Variants in STPG2 observed in about 807,000 individuals in gnomAD.
STPG2 encodes sperm tail PG-rich repeat containing 2.
In STPG2, 56 loss-of-function variants were observed where a neutral mutation model predicts 54.2. The observed-to-expected ratio is 1.03, with a 90% confidence interval of 0.83 to 1.29. The LOEUF (loss-of-function observed/expected upper bound fraction) is 1.29, where lower values mean the gene tolerates loss of function less well. STPG2 is among the 50% of genes most tolerant of loss of function. The pLI, the probability that STPG2 is intolerant of heterozygous loss-of-function variation, is 0.00. For synonymous variants in STPG2, 200 were observed against 181.8 expected, an observed-to-expected ratio of 1.10 and a Z score of -0.81; for missense variants, 596 against 544.9, an observed-to-expected ratio of 1.09 and a Z score of -0.93.
At chr4:97,547,873 G>C (rs115306722) in intron 4 of STPG2, among the ~76,000 whole-genome samples, 1 of 152,110 alleles carries the variant, frequency 6.6e-6, no homozygotes. Context: ...AACATGAGCC[G>C]GGCATGGTCG....
At chr4:97,526,463 T>G (rs1229007540) in intron 4 of STPG2, among the ~76,000 whole-genome samples, 1 of 151,992 alleles carries the variant, frequency 6.6e-6, no homozygotes, top group African/African-American at 2.4e-5. Context: ...GTTTTGTTTC[T>G]TTTTGTTTGT....
intron 9 of STPG2, among the ~76,000 whole-genome samples, chr4:97,731,844 C>G (rs969905477): frequency 6.6e-6 from 1 of 152,208 alleles, no homozygotes; most frequent in Admixed American, 6.5e-5. Flanking sequence ...GTGCACGAAC[C>G]TGGGGGTTTG....
At chr4:97,752,867 C>T (rs1459961563) in intron 9 of STPG2, among the ~76,000 whole-genome samples, 1 of 151,812 alleles carries the variant, frequency 6.6e-6, no homozygotes, top group Non-Finnish European at 1.5e-5. Context: ...TCACTCTAAA[C>T]TCTTAGTTCT....
rs1491121220 is a variant in STPG2, at chr4:97,686,249, T to TC, written c.1320+26449_1320+26450insG. ...TTTCCTTTTTCTTTTTCTTTTCCTC[T>TC]TTCTCTCTCTCTCTCTCTCTCTGTC... is the stretch of plus-strand genomic sequence containing the variant. On this transcript the variant is annotated intron_variant, in intron 10 of 10. Coordinates refer to ENST00000295268, the MANE Select transcript of STPG2 (RefSeq NM_174952.3). Among the ~76,000 whole-genome samples, 7 of 120,522 alleles carry TC rather than the reference T, an allele frequency of 5.8e-5. No individual in the cohort carries two copies. In the East Asian group the frequency reaches 6.9e-4, roughly 12 times the overall value. The allele number at this position is 120,522 out of a possible 152,430, so 79.1% of individuals were successfully genotyped here. A position where few individuals can be genotyped will look rare whatever the true frequency, so the allele number is the denominator to read the frequency against.
chr4:97,919,620 AAAG>A (rs1357675250), intron 8 of STPG2, among the ~76,000 whole-genome samples: 2 of 152,222 alleles, frequency 1.3e-5, no homozygotes, highest in Admixed American at 1.3e-4. Context: ...AAAGTAGACA[AAAG>A]AAGAAATAGT....
chr4:98,083,955 G>A (rs1018459181), intron 5 of STPG2, among the ~76,000 whole-genome samples: 6 of 152,078 alleles, frequency 3.9e-5, no homozygotes, highest in African/African-American at 1.4e-4. Context: ...GGTGGCTCGA[G>A]CAATCCTCCT....
chr4:97,916,813 C>A (rs373815852), intron 8 of STPG2: 1 of 153,182 alleles, frequency 6.5e-6, no homozygotes, highest in Middle Eastern at 3.4e-3. Flanking sequence ...CTCGCCACTT[C>A]CAGCAGCAGC....
chr4:97,482,714 G>C (rs910817877), intron 4 of STPG2, among the ~76,000 whole-genome samples: 11 of 151,562 alleles, frequency 7.3e-5, no homozygotes, highest in Middle Eastern at 3.4e-3. Context: ...AGGACTTCTG[G>C]GGAATTCATT....
chr4:97,910,977 G>T (rs144256206), intron 8 of STPG2, among the ~76,000 whole-genome samples: 4 of 152,144 alleles, frequency 2.6e-5, no homozygotes, highest in Non-Finnish European at 4.4e-5. Context: ...TACTGACTAC[G>T]CAATCGGCGT....
At chr4:97,685,673 T>A (rs974596337) in intron 10 of STPG2, among the ~76,000 whole-genome samples, 1 of 152,104 alleles carries the variant, frequency 6.6e-6, no homozygotes, top group Non-Finnish European at 1.5e-5. Context: ...CAACACAGAG[T>A]AAACACTAAT....
intron 9 of STPG2, among the ~76,000 whole-genome samples, chr4:97,840,207 G>A (rs1728754562): frequency 6.6e-6 from 1 of 151,272 alleles, no homozygotes; most frequent in Non-Finnish European, 1.5e-5. Context: ...CAACTGCCTT[G>A]ATGTATATCT....
chr4:97,774,225 C>A (rs970042280), intron 9 of STPG2, among the ~76,000 whole-genome samples: 1 of 152,008 alleles, frequency 6.6e-6, no homozygotes, highest in African/African-American at 2.4e-5. Context: ...AACTTCAGTT[C>A]TCTTTATATT....
At chr4:97,941,201 G>T (rs1297685054) in intron 8 of STPG2, among the ~76,000 whole-genome samples, 2 of 151,686 alleles carry the variant, frequency 1.3e-5, no homozygotes, top group Admixed American at 1.3e-4. Context: ...TCATCCCTTT[G>T]TGGGTTACCC....
intron 9 of STPG2, among the ~76,000 whole-genome samples, chr4:97,733,662 G>C (rs902635280): frequency 6.6e-6 from 1 of 152,148 alleles, no homozygotes; most frequent in Admixed American, 6.5e-5. Flanking sequence ...CCCATGGTGA[G>C]AGTGTGTTGT....
chr4:97,536,522 G>T lies in STPG2; in HGVS notation c.462+176177C>A, dbSNP rs548520406. Reference sequence around the variant, plus strand: ...AAGGCCTCCCCAGCCATGCAGAACTGAGTCAATTAAACCTATTTCCTTTAT... The same window carrying T: ...AAGGCCTCCCCAGCCATGCAGAACTTAGTCAATTAAACCTATTTCCTTTAT... On this transcript the variant is annotated intron_variant, in intron 4 of 4. Transcript: ENST00000522676. Among the ~76,000 whole-genome samples the T allele has an allele frequency of 2.0e-5, 3 of 152,236 alleles. No homozygotes were observed. The South Asian group carries it at 6.2e-4, about 32-fold the overall frequency.
intron 4 of STPG2, among the ~76,000 whole-genome samples, chr4:97,522,103 C>G (rs1731195647): frequency 1.3e-5 from 2 of 151,838 alleles, no homozygotes; most frequent in Admixed American, 1.3e-4. Context: ...CCTGACTCTA[C>G]CTACATTCGT....
intron 3 of STPG2, among the ~76,000 whole-genome samples, chr4:98,125,956 C>A (rs901414595): frequency 6.6e-6 from 1 of 152,194 alleles, no homozygotes; most frequent in Non-Finnish European, 1.5e-5. Context: ...GTCTGCCACA[C>A]CCACTGTGCC....
chr4:98,130,149 C>T (rs150784048), intron 2 of STPG2, among the ~76,000 whole-genome samples: 300 of 151,494 alleles, frequency 2.0e-3, no homozygotes, highest in African/African-American at 7.1e-3. Context: ...CACGAGCCAC[C>T]GTGCCCAGTC....
intron 1 of STPG2, among the ~76,000 whole-genome samples, chr4:98,138,987 A>T (rs1740206689): frequency 6.6e-6 from 1 of 152,166 alleles, no homozygotes; most frequent in Non-Finnish European, 1.5e-5. Context: ...TAAAAGGAGT[A>T]TGTTTTTATC....
Sources: gnomAD v4.1 joint callset for allele counts (sites outside exome capture counted in the v4.1 genomes callset) on GRCh38, gnomAD v4.1.1 for gene constraint, MANE v1.5 for transcripts, NCBI Gene and HGNC (gene_info 2026-07-23, HGNC 2026-07-21) for gene names.